TECRL: variants seen among roughly 807,000 people sequenced by gnomAD.
The protein encoded by TECRL is trans-2,3-enoyl-CoA reductase like.
Under a neutral mutation model 52.8 loss-of-function variants are expected in TECRL, and 63 were observed. That is an observed-to-expected ratio of 1.19 (90% confidence interval 0.97 to 1.47). The LOEUF is 1.47. Ranked by LOEUF, TECRL falls within the 40% of genes most tolerant of loss-of-function variation. TECRL has a pLI of 0.00. For synonymous variants in TECRL, 164 were observed against 141.9 expected, an observed-to-expected ratio of 1.16 and a Z score of -1.10; for missense variants, 482 against 429.6, an observed-to-expected ratio of 1.12 and a Z score of -1.08.
intron 2 of TECRL, among the ~76,000 whole-genome samples, chr4:64,337,139 C>T (rs985185797): frequency 6.6e-6 from 1 of 151,996 alleles, no homozygotes; most frequent in Non-Finnish European, 1.5e-5. Flanking sequence ...AATCAATCAA[C>T]ATAATCCAGC....
chr4:64,309,190 G>A (rs775004557), intron 6 of TECRL, among the ~76,000 whole-genome samples: 1 of 152,046 alleles, frequency 6.6e-6, no homozygotes, highest in African/African-American at 2.4e-5. Flanking sequence ...GTTCTGTTGC[G>A]ATATTACAAA....
chr4:64,300,682 T>C (rs969273864), intron 7 of TECRL, among the ~76,000 whole-genome samples: 3 of 151,028 alleles, frequency 2.0e-5, no homozygotes, highest in African/African-American at 7.3e-5. Flanking sequence ...ATTCCTATCT[T>C]CTCATTTTAT....
intron 8 of TECRL, among the ~76,000 whole-genome samples, chr4:64,290,942 G>A (rs9992876): frequency 5.9e-5 from 9 of 151,892 alleles, no homozygotes; most frequent in Admixed American, 1.3e-4. Context: ...AATAATTATC[G>A]AAAAGGCTTT....
At chr4:64,370,856 CTAAAA>C (rs1359901511) in intron 2 of TECRL, among the ~76,000 whole-genome samples, 2 of 151,788 alleles carry the variant, frequency 1.3e-5, no homozygotes, top group African/African-American at 4.8e-5. Flanking sequence ...CTAATCTAAA[CTAAAA>C]TATCACATAG....
intron 7 of TECRL, among the ~76,000 whole-genome samples, chr4:64,304,751 A>C (rs1724228091): frequency 6.6e-6 from 1 of 152,100 alleles, no homozygotes; most frequent in African/African-American, 2.4e-5. Context: ...CAAATCATAA[A>C]TAGAAACTGA....
chr4:64,399,445 A>G (rs1295424502), intron 1 of TECRL, among the ~76,000 whole-genome samples: 1 of 152,210 alleles, frequency 6.6e-6, no homozygotes, highest in Non-Finnish European at 1.5e-5. Context: ...ACCACTTGCT[A>G]GAGAAATTTG....
At chr4:64,305,710 T>G (rs1309461957) in intron 6 of TECRL, among the ~76,000 whole-genome samples, 1 of 152,186 alleles carries the variant, frequency 6.6e-6, no homozygotes. Flanking sequence ...CCCTGCTCCA[T>G]GGGTTTCACT....
Position 64,280,175 on chromosome 4 carries a change from C to A in TECRL, c.989G>T (p.Ser330Ile). 3 of 1,585,188 alleles carry A rather than the reference C, an allele frequency of 1.9e-6. No individual in the cohort carries two copies. Among genetic ancestry groups the A allele is most frequent in the Non-Finnish European group, 1.7e-6 (2 of 1,167,430 alleles). The change falls in exon 12 of 12, where the codon AGT (serine) becomes ATT (isoleucine). Residue 330 changes from serine to isoleucine, a missense_variant. Ser to Ile is a moderately radical substitution (Grantham distance 142). Coordinates refer to ENST00000381210, the MANE Select transcript of TECRL (RefSeq NM_001010874.5). ...TTGTGCCCACAAAGACATCTGGATA[C>A]TCATCAGAAGTGTAAAAATTCCAAC... ...LPVGIFTLLM[S>I]IQMSLWAQKK...
At chr4:64,361,415 A>C (rs1227829182) in intron 2 of TECRL, among the ~76,000 whole-genome samples, 1 of 152,124 alleles carries the variant, frequency 6.6e-6, no homozygotes, top group Non-Finnish European at 1.5e-5. Flanking sequence ...CCAAATGTGC[A>C]AGGGCCCACT....
intron 1 of TECRL, among the ~76,000 whole-genome samples, chr4:64,383,750 G>C (rs1395350626): frequency 1.3e-5 from 2 of 151,328 alleles, no homozygotes; most frequent in Non-Finnish European, 2.9e-5. Context: ...CTTTTTCATT[G>C]AGATCTGTTG....
At position 64,290,945 on chromosome 4, in the gene TECRL, A is replaced by G. The variant is rs562668857; in HGVS notation, c.775-1178T>C. On this transcript the variant is annotated intron_variant, in intron 8 of 11. Transcript: ENST00000381210. ...ATAACTACACAAAATAATTATCGAAAAGGCTTTTGGTTTCTTAAGTTATCA... is the reference window on the plus strand; with the variant it reads ...ATAACTACACAAAATAATTATCGAAGAGGCTTTTGGTTTCTTAAGTTATCA... 2.8e-4 allele frequency among the ~76,000 whole-genome samples: 43 copies of G among 152,220 alleles called. 1 individual carries two copies. The highest frequency in any genetic ancestry group is 1.0e-3 in the African/African-American group (42 of 41,562).
At chr4:64,405,925 G>A (rs1382944783) in intron 1 of TECRL, among the ~76,000 whole-genome samples, 2 of 152,060 alleles carry the variant, frequency 1.3e-5, no homozygotes, top group African/African-American at 4.8e-5. Flanking sequence ...GTGAGAATAG[G>A]GCTCTGCATT....
At chr4:64,320,739 A>C (rs1193835991) in intron 4 of TECRL, among the ~76,000 whole-genome samples, 2 of 152,072 alleles carry the variant, frequency 1.3e-5, no homozygotes, top group Admixed American at 6.6e-5. Flanking sequence ...AGACCCTGTG[A>C]ATATTTTAAC....
At chr4:64,280,980 G>T in intron 11 of TECRL, 61 bp downstream of exon 11, 2 of 1,274,726 alleles carry the variant, frequency 1.6e-6, no homozygotes, top group Non-Finnish European at 2.2e-6. Flanking sequence ...CTTTTTCTCA[G>T]AAACCATTTA....
chr4:64,336,622 C>A (rs1189619947), intron 2 of TECRL, among the ~76,000 whole-genome samples: 2 of 152,156 alleles, frequency 1.3e-5, no homozygotes, highest in Non-Finnish European at 2.9e-5. Context: ...TTAGAACTTT[C>A]CCGCTTTCTC....
chr4:64,400,892 A>G (rs749066595), intron 1 of TECRL, among the ~76,000 whole-genome samples: 2 of 152,178 alleles, frequency 1.3e-5, no homozygotes, highest in African/African-American at 2.4e-5. Context: ...TAAATTACCC[A>G]GTCTCAGATA....
intron 1 of TECRL, among the ~76,000 whole-genome samples, chr4:64,378,030 T>C (rs1385444057): frequency 2.6e-5 from 4 of 152,006 alleles, no homozygotes; most frequent in Admixed American, 6.6e-5. Flanking sequence ...AACAAAGAAC[T>C]TGTCTAAAAG....
intron 1 of TECRL, among the ~76,000 whole-genome samples, chr4:64,404,456 A>G (rs1330277535): frequency 6.6e-6 from 1 of 152,052 alleles, no homozygotes; most frequent in Non-Finnish European, 1.5e-5. Context: ...TCATTGTTAT[A>G]TTTTTAAAAT....
intron 1 of TECRL, among the ~76,000 whole-genome samples, chr4:64,406,165 CGT>C (rs1553923396): frequency 3.4e-5 from 5 of 146,178 alleles, no homozygotes; most frequent in South Asian, 2.2e-4. Context: ...CGCGCGCGCG[CGT>C]GTGTGTGTGT....
Sources: allele counts gnomAD v4.1 joint callset (sites outside exome capture counted in the v4.1 genomes callset), GRCh38; gene constraint gnomAD v4.1.1; transcripts MANE v1.5; gene names NCBI Gene and HGNC (gene_info 2026-07-23, HGNC 2026-07-21).